Variants in RICTOR observed in about 807,000 individuals in gnomAD.
RICTOR encodes the protein RPTOR independent companion of MTOR complex 2, also known as rapamycin-insensitive companion of mTOR.
A neutral mutation model predicts 214.9 loss-of-function variants in RICTOR; 49 were observed. The ratio of observed to expected loss-of-function variants is 0.23; its 90% CI spans 0.18 to 0.29. The LOEUF is 0.29. Ranked by LOEUF, RICTOR falls within the 10% of genes least tolerant of loss-of-function variation. RICTOR has a pLI of 1.00. For missense variants in RICTOR, 1,625 were observed against 2,047.0 expected, an observed-to-expected ratio of 0.79 and a Z score of 3.98; for synonymous variants, 717 against 711.3, an observed-to-expected ratio of 1.01 and a Z score of -0.13.
chr5:39,019,404 G>A (rs753283090), intron 3 of RICTOR, among the ~76,000 whole-genome samples: 2 of 152,076 alleles, frequency 1.3e-5, no homozygotes, highest in Non-Finnish European at 2.9e-5. Context: ...CATGTCTGGG[G>A]CTAATGCAGC....
intron 2 of RICTOR, among the ~76,000 whole-genome samples, chr5:39,070,487 A>AT (rs568481066): frequency 2.3e-3 from 344 of 152,320 alleles, no homozygotes; most frequent in African/African-American, 8.0e-3. Context: ...AATAAAAAAA[A>AT]AAAAAGTTAG....
intron 2 of RICTOR, among the ~76,000 whole-genome samples, chr5:39,066,747 T>G (rs76378811): frequency 0.031 from 4,770 of 152,326 alleles, 126 homozygotes; most frequent in South Asian, 0.082. Flanking sequence ...CCAGAGGTCA[T>G]CACTCTCAAG....
intron 3 of RICTOR, among the ~76,000 whole-genome samples, chr5:39,004,464 C>CT (rs35374961): frequency 0.54 from 78,298 of 144,922 alleles, 21,232 homozygotes; most frequent in Non-Finnish European, 0.58. Context: ...TTCTCAAACT[C>CT]TTTTTTTTTT....
At position 38,964,859 on chromosome 5, in the gene RICTOR, G is replaced by T. The variant is rs1393649489; in HGVS notation, c.1333C>A (p.His445Asn). The change falls in exon 16 of 38, where the codon CAT becomes AAT. Residue 445 changes from histidine (H) to asparagine (N), a missense_variant. His to Asn is a moderately conservative substitution (Grantham distance 68). Transcript: ENST00000357387. ...ATTAGGGTTGGCAAGCAGTGTAAAT[G>T]ATGGCTATGTGAATGAGGAAGAATT... ...NTILPHSHSHHLHCLPTLMNM... is the reference protein window; with the variant it reads ...NTILPHSHSHNLHCLPTLMNM... The T allele has an allele frequency of 6.2e-7, 1 of 1,608,120 alleles. No individual in the cohort carries two copies. The highest frequency in any genetic ancestry group is 8.5e-7 in the Non-Finnish European group (1 of 1,175,868).
At chr5:39,026,089 C>T (rs1048283111) in intron 2 of RICTOR, among the ~76,000 whole-genome samples, 15 of 152,138 alleles carry the variant, frequency 9.9e-5, no homozygotes, top group South Asian at 2.1e-4. Flanking sequence ...AAACTGTCTA[C>T]GGATAACAGC....
intron 31 of RICTOR, 133 bp downstream of exon 31, chr5:38,949,579 T>G: frequency 9.7e-7 from 1 of 1,032,090 alleles, no homozygotes; most frequent in Non-Finnish European, 1.4e-6. Flanking sequence ...AAGGAGCTTA[T>G]AGCCTACCAT....
intron 3 of RICTOR, among the ~76,000 whole-genome samples, chr5:39,017,512 A>G (rs1282333666): frequency 6.6e-6 from 1 of 152,066 alleles, no homozygotes. Flanking sequence ...CCCGTTCTCC[A>G]GTACCTAGTC....
chr5:39,033,462 C>A (rs890466993), intron 2 of RICTOR, among the ~76,000 whole-genome samples: 1 of 152,048 alleles, frequency 6.6e-6, no homozygotes, highest in African/African-American at 2.4e-5. Context: ...CAGGGTTTCA[C>A]CATGTTGGTC....
chr5:38,940,883 G>A lies in RICTOR; in HGVS notation c.*1421C>T, dbSNP rs184649170. 23 of 232,200 alleles carry A rather than the reference G, an allele frequency of 9.9e-5. No homozygotes were observed. Among genetic ancestry groups the A allele is most frequent in the Middle Eastern group, 1.3e-3 (1 of 778 alleles). The allele number at this position is 232,200 out of a possible 1,614,324, so 14.4% of individuals were successfully genotyped here. ...ATCTGCATCATGGGAAAATATTAAT[G>A]TTGCTATGACTGTGTCAAAACTGAT... On this transcript the variant is annotated 3_prime_UTR_variant, in exon 38 of 38. Coordinates refer to ENST00000357387, the MANE Select transcript of RICTOR (RefSeq NM_152756.5).
chr5:38,949,473 G>C (rs1353530417), intron 31 of RICTOR: 4 of 1,485,692 alleles, frequency 2.7e-6, no homozygotes, highest in Non-Finnish European at 3.6e-6. Context: ...TGACTTGTAT[G>C]TCCTTTGCAA....
intron 2 of RICTOR, among the ~76,000 whole-genome samples, chr5:39,056,597 A>ACTGCC (rs1255607538): frequency 6.6e-6 from 1 of 152,018 alleles, no homozygotes; most frequent in Non-Finnish European, 1.5e-5. Context: ...TGATCATGCC[A>ACTGCC]CTGCCCTCCA....
chr5:39,006,207 C>T (rs1435585617), intron 3 of RICTOR, among the ~76,000 whole-genome samples: 1 of 152,192 alleles, frequency 6.6e-6, no homozygotes, highest in African/African-American at 2.4e-5. Context: ...TCTCTCTTTT[C>T]TGAAAGGTTG....
At chr5:39,054,093 AAAG>A (rs1347454015) in intron 2 of RICTOR, among the ~76,000 whole-genome samples, 1 of 152,202 alleles carries the variant, frequency 6.6e-6, no homozygotes, top group Non-Finnish European at 1.5e-5. Flanking sequence ...AAAAAGAAAG[AAAG>A]AATAGGTTAA....
chr5:38,985,507 A>G (rs529132170), intron 7 of RICTOR, among the ~76,000 whole-genome samples: 11 of 152,162 alleles, frequency 7.2e-5, no homozygotes, highest in Admixed American at 2.0e-4. Flanking sequence ...TTTTTATTGG[A>G]TTGTTCTGGC....
chr5:38,954,081 CTA>C (rs1269620634), intron 27 of RICTOR, among the ~76,000 whole-genome samples: 1 of 142,020 alleles, frequency 7.0e-6, no homozygotes, highest in Non-Finnish European at 1.6e-5. Flanking sequence ...ACACATGAAA[CTA>C]TAGAGTACAT....
intron 31 of RICTOR, among the ~76,000 whole-genome samples, chr5:38,948,044 T>C (rs1390065561): frequency 2.0e-5 from 3 of 152,110 alleles, no homozygotes; most frequent in Non-Finnish European, 4.4e-5. Context: ...ATGTACTCCT[T>C]ACTACTAGAG....
chr5:39,003,217 C>G (rs1156744949), intron 4 of RICTOR, among the ~76,000 whole-genome samples: 1 of 152,138 alleles, frequency 6.6e-6, no homozygotes, highest in Admixed American at 6.5e-5. Flanking sequence ...GTTGTAAGCA[C>G]AAACTTTCTC....
At chr5:39,022,421 C>G (rs1357106044) in intron 2 of RICTOR, 1 of 156,234 alleles carries the variant, frequency 6.4e-6, no homozygotes, top group Non-Finnish European at 1.4e-5. Context: ...CGGCTCTTGT[C>G]CCCTGCCAGG....
intron 6 of RICTOR, among the ~76,000 whole-genome samples, chr5:38,995,251 T>C (rs920314135): frequency 1.3e-5 from 2 of 152,200 alleles, no homozygotes; most frequent in African/African-American, 4.8e-5. Context: ...ATTGAAATAA[T>C]GTCTTTTGAA....
Sources: allele counts gnomAD v4.1 joint callset (sites outside exome capture counted in the v4.1 genomes callset), GRCh38; gene constraint gnomAD v4.1.1; transcripts MANE v1.5; gene names NCBI Gene and HGNC (gene_info 2026-07-23, HGNC 2026-07-21).